BPNT1: variants seen among roughly 807,000 people sequenced by gnomAD.
BPNT1 encodes 3'(2'), 5'-bisphosphate nucleotidase 1.
In BPNT1, 28 loss-of-function variants were observed where a neutral mutation model predicts 36.9. The ratio of observed to expected loss-of-function variants is 0.76; its 90% confidence interval spans 0.56 to 1.04. The LOEUF (loss-of-function observed/expected upper bound fraction) is 1.04, where lower values mean the gene tolerates loss of function less well. Among genes scored for constraint, BPNT1 ranks in the 50% least tolerant of loss-of-function variants. BPNT1 has a pLI of 0.00. For missense variants in BPNT1, 313 were observed against 372.9 expected (o/e 0.84, Z 1.32); for synonymous variants, 119 against 130.9 (o/e 0.91, Z 0.62).
chr1:220,078,709 T>C (rs984224977), intron 2 of BPNT1, among the ~76,000 whole-genome samples: 2 of 151,538 alleles, frequency 1.3e-5, no homozygotes, highest in Non-Finnish European at 2.9e-5. Flanking sequence ...GTAATTCTCC[T>C]GCCTCAGCCT....
intron 6 of BPNT1, chr1:220,066,117 T>C (rs1663512797): frequency 6.6e-7 from 1 of 1,514,140 alleles, no homozygotes; most frequent in Admixed American, 2.1e-5. Context: ...TTTTCATTGT[T>C]CTGTGGAAAA....
chr1:220,084,521 G>A (rs942118784), intron 1 of BPNT1, among the ~76,000 whole-genome samples: 8 of 152,034 alleles, frequency 5.3e-5, no homozygotes, highest in African/African-American at 9.7e-5. Context: ...TTATGTGTTC[G>A]TATGCTCCTT....
chr1:220,087,529 A>G (rs1655855094), intron 1 of BPNT1, among the ~76,000 whole-genome samples: 1 of 152,198 alleles, frequency 6.6e-6, no homozygotes, highest in South Asian at 2.1e-4. Flanking sequence ...ATTGCACTCC[A>G]GCCTGGGTGA....
At chr1:220,069,505 T>A (rs951521548) in intron 4 of BPNT1, 73 bp from the exon 5 acceptor site, 1 of 1,152,064 alleles carries the variant, frequency 8.7e-7, no homozygotes, top group African/African-American at 1.6e-5. Context: ...TTAAATAGAT[T>A]AAAATTACTC....
chr1:220,076,697 T>C (rs865852600), intron 2 of BPNT1, among the ~76,000 whole-genome samples: 1 of 135,238 alleles, frequency 7.4e-6, no homozygotes, highest in Non-Finnish European at 1.6e-5. Context: ...AAAAAAAAAA[T>C]AAATTAATAA....
intron 7 of BPNT1, 145 bp downstream of exon 7, chr1:220,062,612 A>G (rs1663153594): frequency 2.5e-6 from 2 of 811,282 alleles, no homozygotes; most frequent in Non-Finnish European, 1.9e-6. Flanking sequence ...ATACGTGTGC[A>G]TGTGTCTTTA....
intron 7 of BPNT1, among the ~76,000 whole-genome samples, chr1:220,061,229 C>T (rs1466660540): frequency 6.6e-6 from 1 of 152,164 alleles, no homozygotes; most frequent in African/African-American, 2.4e-5. Flanking sequence ...CCTAACAATT[C>T]CTCTAATACT....
intron 3 of BPNT1, among the ~76,000 whole-genome samples, chr1:220,073,675 C>T (rs1297134004): frequency 6.6e-6 from 1 of 152,140 alleles, no homozygotes; most frequent in Non-Finnish European, 1.5e-5. Context: ...CAACGAAACC[C>T]ATTTTATTCC....
At chr1:220,081,295 G>A (rs2102749411) in intron 1 of BPNT1, among the ~76,000 whole-genome samples, 1 of 152,224 alleles carries the variant, frequency 6.6e-6, no homozygotes, top group East Asian at 1.9e-4. Flanking sequence ...GTAATCCCAG[G>A]ATTTTGGGAG....
At chr1:220,072,567 G>A (rs1264427655) in intron 4 of BPNT1, among the ~76,000 whole-genome samples, 1 of 151,926 alleles carries the variant, frequency 6.6e-6, no homozygotes, top group Non-Finnish European at 1.5e-5. Flanking sequence ...CAACCACCTC[G>A]GCCTCCCAGA....
At chr1:220,071,466 G>A (rs559991102) in intron 4 of BPNT1, among the ~76,000 whole-genome samples, 1 of 152,120 alleles carries the variant, frequency 6.6e-6, no homozygotes, top group African/African-American at 2.4e-5. Context: ...CTTCCTAAAA[G>A]TATTTATTTA....
chr1:220,071,568 A>T (rs934764312), intron 4 of BPNT1, among the ~76,000 whole-genome samples: 18 of 152,226 alleles, frequency 1.2e-4, no homozygotes, highest in African/African-American at 4.3e-4. Flanking sequence ...GACAACTTAC[A>T]CTTCCCAATT....
At chr1:220,075,118 A>G (rs147867911) in intron 2 of BPNT1, among the ~76,000 whole-genome samples, 2,582 of 152,256 alleles carry the variant, frequency 0.017, 37 homozygotes, top group South Asian at 0.083. Context: ...ATCTCAGCTC[A>G]CTGCAACCTT....
chr1:220,085,287 T>C (rs1655611306), intron 1 of BPNT1, among the ~76,000 whole-genome samples: 1 of 152,192 alleles, frequency 6.6e-6, no homozygotes, highest in Non-Finnish European at 1.5e-5. Context: ...CTTCTTTCTC[T>C]ACCAGTTTTA....
At position 220,058,620 on chromosome 1, in the gene BPNT1, C is replaced by T; in HGVS notation, c.*224G>A. On this transcript the variant is annotated 3_prime_UTR_variant, in exon 9 of 9. Coordinates refer to ENST00000322067, the MANE Select transcript of BPNT1 (RefSeq NM_006085.6). ...GATCTCAGCTCACTGCAACCTCTGC[C>T]TTCCGGGCTCAAGAGATTCTTCTGC... 1 of 802,444 alleles carries T rather than the reference C, an allele frequency of 1.2e-6. No individual in the cohort carries two copies. 49.7% of individuals were successfully genotyped at this position (802,444 alleles called of 1,614,324 possible).
chr1:220,082,085 TAGAGAGAGAG>T lies in BPNT1; in HGVS notation c.-8-2241_-8-2232del, dbSNP rs3055555. Among the ~76,000 whole-genome samples, 118 of 103,272 alleles carry T rather than the reference TAGAGAGAGAG, an allele frequency of 1.1e-3. 2 individuals are homozygous for T. The highest frequency in any genetic ancestry group is 3.7e-3 in the African/African-American group (98 of 26,232). 67.8% of individuals were successfully genotyped at this position (103,272 alleles called of 152,430 possible). ...GACAATATATATATATATATATATA[TAGAGAGAGAG>T]AGAGAGAGAGAGAGAGAGAGAGAGA... On this transcript the variant is annotated intron_variant, in intron 1 of 8. Transcript: ENST00000322067.
chr1:220,070,354 T>C (rs1469496210), intron 4 of BPNT1, among the ~76,000 whole-genome samples: 4 of 151,112 alleles, frequency 2.6e-5, no homozygotes, highest in African/African-American at 9.7e-5. Flanking sequence ...TTTTCTTTTT[T>C]GCTTTTTTTG....
intron 5 of BPNT1, 107 bp downstream of exon 5, chr1:220,069,277 C>T: frequency 2.4e-6 from 2 of 837,626 alleles, no homozygotes; most frequent in East Asian, 5.5e-5. Flanking sequence ...GTAAACATAA[C>T]ACATGATAGT....
rs1168329505 is a variant in BPNT1, at chr1:220,057,937, G to A, written c.*907C>T. 2.1e-5 allele frequency: 23 copies of A among 1,071,812 alleles called. No homozygotes were observed. Among genetic ancestry groups the A allele is most frequent in the Non-Finnish European group, 2.9e-5 (23 of 788,102 alleles). 66.4% of individuals were successfully genotyped at this position (1,071,812 alleles called of 1,614,324 possible). A position where few individuals can be genotyped will look rare whatever the true frequency, so the allele number is the denominator to read the frequency against. Reference sequence around the variant, plus strand: ...TCACACCTGTAATCCCAGCACTTTGGGAGTCCGAGGCAGACAGATCACGAT... The same window carrying A: ...TCACACCTGTAATCCCAGCACTTTGAGAGTCCGAGGCAGACAGATCACGAT... On this transcript the variant is annotated 3_prime_UTR_variant, in exon 9 of 9. Transcript: ENST00000322067.
Sources: gnomAD v4.1 joint callset for allele counts (sites outside exome capture counted in the v4.1 genomes callset) on GRCh38, gnomAD v4.1.1 for gene constraint, MANE v1.5 for transcripts, NCBI Gene and HGNC (gene_info 2026-07-23, HGNC 2026-07-21) for gene names.